The following MCTP1 variants were observed in gnomAD, a reference collection of about 807,000 sequenced individuals.
MCTP1 encodes multiple C2 and transmembrane domain containing 1.
MCTP1 carries 69 observed loss-of-function variants against 120.6 expected under a neutral mutation model. The observed-to-expected ratio is 0.57, with a 90% confidence interval of 0.47 to 0.70. The LOEUF is 0.70. MCTP1 is among the 30% of genes least tolerant of loss of function. The pLI is 0.00. For synonymous variants in MCTP1, 529 were observed against 493.1 expected (o/e 1.07, Z -0.96); for missense variants, 1,203 against 1,248.8 (o/e 0.96, Z 0.55).
intron 9 of MCTP1, 81 bp downstream of exon 9, chr5:94,912,725 T>C: frequency 3.7e-6 from 4 of 1,090,418 alleles, no homozygotes; most frequent in South Asian, 2.1e-5. Flanking sequence ...CATTATCTAG[T>C]GGTTTCATCT....
At chr5:95,118,883 A>G (rs1758005353) in intron 1 of MCTP1, among the ~76,000 whole-genome samples, 1 of 152,264 alleles carries the variant, frequency 6.6e-6, no homozygotes, top group African/African-American at 2.4e-5. Flanking sequence ...CCTGACATAT[A>G]AAGCAAATAC....
intron 11 of MCTP1, among the ~76,000 whole-genome samples, chr5:94,891,768 AAAT>A (rs1802682077): frequency 2.6e-5 from 4 of 151,158 alleles, no homozygotes; most frequent in Admixed American, 6.6e-5. Flanking sequence ...ATAAATAAAT[AAAT>A]AAATAAATAA....
At position 94,801,175 on chromosome 5, in the gene MCTP1, T is replaced by C. The variant is rs1781162997; in HGVS notation, c.2437-2043A>G. Among the ~76,000 whole-genome samples, 5 of 152,320 alleles carry C rather than the reference T, an allele frequency of 3.3e-5. No homozygotes were observed. The South Asian group carries it at 1.0e-3, about 32-fold the overall frequency. ...GGCAGTCACTAGAATATAAGCTCCT[T>C]TAAAGGTAGACTTTTTGTTTTCATT... On this transcript the variant is annotated intron_variant, in intron 17 of 22. Coordinates refer to ENST00000515393, the MANE Select transcript of MCTP1 (RefSeq NM_024717.7).
At chr5:95,058,625 C>T (rs11955506) in intron 1 of MCTP1, among the ~76,000 whole-genome samples, 9,166 of 152,142 alleles carry the variant, frequency 0.06, 471 homozygotes, top group African/African-American at 0.14. Context: ...TTAAACTATA[C>T]CACTTCAACA....
At chr5:94,936,280 A>G (rs1816177533) in intron 5 of MCTP1, among the ~76,000 whole-genome samples, 1 of 152,050 alleles carries the variant, frequency 6.6e-6, no homozygotes, top group Non-Finnish European at 1.5e-5. Context: ...TGAAGTCATC[A>G]TAAGGAAGAC....
chr5:94,798,984 C>A, intron 18 of MCTP1, 29 bp downstream of exon 18: 2 of 1,594,618 alleles, frequency 1.3e-6, no homozygotes, highest in African/African-American at 1.4e-5. Context: ...AGAACAAAAA[C>A]ACATACAAGT....
chr5:94,873,023 A>C (rs1304097625), intron 13 of MCTP1, 116 bp downstream of exon 13: 4 of 678,478 alleles, frequency 5.9e-6, no homozygotes, highest in Admixed American at 2.5e-5. Flanking sequence ...GGCAGGCCAG[A>C]TGCATTGAGT....
At chr5:94,718,058 C>T (rs1047635685) in intron 19 of MCTP1, among the ~76,000 whole-genome samples, 1 of 152,148 alleles carries the variant, frequency 6.6e-6, no homozygotes, top group Non-Finnish European at 1.5e-5. Flanking sequence ...ATAGCTAAGA[C>T]AATCCTAAGC....
At chr5:94,717,603 G>A (rs1335456733) in intron 19 of MCTP1, among the ~76,000 whole-genome samples, 1 of 152,112 alleles carries the variant, frequency 6.6e-6, no homozygotes, top group African/African-American at 2.4e-5. Flanking sequence ...CAGATGACAT[G>A]ATCCTATATC....
intron 1 of MCTP1, among the ~76,000 whole-genome samples, chr5:95,243,628 C>T (rs189601867): frequency 1.7e-4 from 26 of 152,262 alleles, no homozygotes; most frequent in Middle Eastern, 3.4e-3. Context: ...AGTTGGAGAA[C>T]ACGTTAGATA....
chr5:94,889,382 T>G (rs1802022029), intron 11 of MCTP1, among the ~76,000 whole-genome samples: 2 of 151,196 alleles, frequency 1.3e-5, no homozygotes, highest in Non-Finnish European at 2.9e-5. Context: ...AGGTCAGGAG[T>G]TCAAGACCAG....
At chr5:95,114,908 C>T (rs896939888) in intron 1 of MCTP1, among the ~76,000 whole-genome samples, 4 of 152,190 alleles carry the variant, frequency 2.6e-5, no homozygotes, top group African/African-American at 9.7e-5. Context: ...TGTGTCACTC[C>T]ACTCCCAGCT....
At chr5:94,934,739 T>TTG (rs201226002) in intron 5 of MCTP1, among the ~76,000 whole-genome samples, 6 of 149,246 alleles carry the variant, frequency 4.0e-5, no homozygotes, top group Non-Finnish European at 1.5e-5. Context: ...ATAAAGAAGT[T>TTG]TTTTTTTTTT....
At chr5:95,205,129 T>C (rs1751479192) in intron 1 of MCTP1, among the ~76,000 whole-genome samples, 1 of 152,172 alleles carries the variant, frequency 6.6e-6, no homozygotes, top group African/African-American at 2.4e-5. Flanking sequence ...TGTAGTATTG[T>C]CATGAGAACA....
chr5:94,996,660 T>C (rs1832675841), intron 2 of MCTP1, among the ~76,000 whole-genome samples: 2 of 152,172 alleles, frequency 1.3e-5, no homozygotes, highest in African/African-American at 2.4e-5. Flanking sequence ...AAATTGTACA[T>C]GTTCAGTAGA....
chr5:94,749,033 G>C (rs1269517941), intron 19 of MCTP1, among the ~76,000 whole-genome samples: 6 of 152,114 alleles, frequency 3.9e-5, no homozygotes, highest in Non-Finnish European at 8.8e-5. Flanking sequence ...GAGCATTCTT[G>C]TCCTTGACTT....
intron 19 of MCTP1, among the ~76,000 whole-genome samples, chr5:94,749,162 A>T (rs557758231): frequency 6.6e-6 from 1 of 152,256 alleles, no homozygotes; most frequent in Non-Finnish European, 1.5e-5. Context: ...AGCCTGTAAA[A>T]TTTTTGCTAG....
chr5:95,105,406 G>T (rs1757011240), intron 1 of MCTP1, among the ~76,000 whole-genome samples: 1 of 152,098 alleles, frequency 6.6e-6, no homozygotes, highest in Non-Finnish European at 1.5e-5. Flanking sequence ...TGGAATTGGG[G>T]TCATTATTAG....
In MCTP1 at chr5:95,061,408, G is replaced by GTTGTTTTTTTTT. The variant is rs1749067994; in HGVS notation, c.721-43925_721-43924insAAAAAAAAACAA. ...ATCAATTTTCACAAACCCCTTAAGG[G>GTTGTTTTTTTTT]TTTTTTTTTTTTTTTTTTTTTTTTT... On this transcript the variant is annotated intron_variant, in intron 1 of 22. Coordinates refer to ENST00000515393, the MANE Select transcript of MCTP1 (RefSeq NM_024717.7). Among the ~76,000 whole-genome samples, 21 of 33,482 alleles carry GTTGTTTTTTTTT rather than the reference G, an allele frequency of 6.3e-4. 4 individuals are homozygous for GTTGTTTTTTTTT. Among genetic ancestry groups the GTTGTTTTTTTTT allele is most frequent in the South Asian group, 2.2e-3 (2 of 908 alleles). The allele number at this position is 33,482 out of a possible 152,430, so 22.0% of individuals were successfully genotyped here. A position where few individuals can be genotyped will look rare whatever the true frequency, so the allele number is the denominator to read the frequency against.
Sources: allele counts gnomAD v4.1 joint callset (sites outside exome capture counted in the v4.1 genomes callset), GRCh38; gene constraint gnomAD v4.1.1; transcripts MANE v1.5; gene names NCBI Gene and HGNC (gene_info 2026-07-23, HGNC 2026-07-21).